Variants in AIG1 observed in about 807,000 individuals in gnomAD.
AIG1 encodes androgen induced 1.
AIG1 carries 23 observed loss-of-function variants against 31.4 expected under a neutral mutation model. That is an observed-to-expected ratio of 0.73 (90% CI 0.53 to 1.04). The LOEUF (loss-of-function observed/expected upper bound fraction) is 1.04, where lower values mean the gene tolerates loss of function less well. AIG1 is among the 50% of genes least tolerant of loss of function. AIG1 has a pLI of 0.00. For missense variants in AIG1, 274 were observed against 295.0 expected (o/e 0.93, Z 0.52); for synonymous variants, 100 against 110.5 (o/e 0.90, Z 0.60).
At chr6:143,199,403 T>TG (rs1790514366) in intron 3 of AIG1, among the ~76,000 whole-genome samples, 1 of 151,726 alleles carries the variant, frequency 6.6e-6, no homozygotes, top group Non-Finnish European at 1.5e-5. Context: ...TCGGGAAAAA[T>TG]GTTAGTTGTT....
chr6:143,202,345 C>T (rs1251785842), intron 3 of AIG1, among the ~76,000 whole-genome samples: 1 of 152,036 alleles, frequency 6.6e-6, no homozygotes, highest in Non-Finnish European at 1.5e-5. Flanking sequence ...TCAGGGACAG[C>T]TAATCACAAA....
At chr6:143,165,434 G>A (rs944895611) in intron 3 of AIG1, among the ~76,000 whole-genome samples, 3 of 152,206 alleles carry the variant, frequency 2.0e-5, no homozygotes, top group Non-Finnish European at 4.4e-5. Flanking sequence ...TGGTGTGTCA[G>A]TGGTGTTAAA....
At chr6:143,266,368 A>G (rs1055556940) in intron 3 of AIG1, among the ~76,000 whole-genome samples, 4 of 141,632 alleles carry the variant, frequency 2.8e-5, no homozygotes, top group Non-Finnish European at 6.2e-5. Flanking sequence ...AAAAAAAAGA[A>G]TAATAATATG....
chr6:143,129,595 TATTA>T (rs1783035104), intron 1 of AIG1, among the ~76,000 whole-genome samples: 1 of 152,238 alleles, frequency 6.6e-6, no homozygotes, highest in Non-Finnish European at 1.5e-5. Flanking sequence ...TTGCTTAGAC[TATTA>T]CATTTAGATT....
rs968381073 is a variant in AIG1, at chr6:143,328,669, T to G, written c.516-4613T>G. Reference sequence around the variant, plus strand: ...ATATGTGTAATTTAATTCATTCATATAAGCCATTTACTTTGTATCATTTGT... The same window carrying G: ...ATATGTGTAATTTAATTCATTCATAGAAGCCATTTACTTTGTATCATTTGT... On this transcript the variant is annotated intron_variant, in intron 4 of 5. Transcript: ENST00000357847. This position sits in a 1 kb window ranked among gnomAD's most constrained non-coding sequence, Gnocchi z 4.0. 2.6e-5 allele frequency among the ~76,000 whole-genome samples: 4 copies of G among 152,228 alleles called. No individual in the cohort carries two copies. Among genetic ancestry groups the G allele is most frequent in the Admixed American group, 2.6e-4 (4 of 15,278 alleles).
chr6:143,229,743 T>C (rs1248605007), intron 3 of AIG1, among the ~76,000 whole-genome samples: 1 of 135,672 alleles, frequency 7.4e-6, no homozygotes, highest in African/African-American at 2.8e-5. Flanking sequence ...CCTTTTGTAA[T>C]AATTTCATTT....
chr6:143,263,796 ACCATTC>A (rs1204465208), intron 3 of AIG1, among the ~76,000 whole-genome samples: 5 of 152,130 alleles, frequency 3.3e-5, no homozygotes, highest in Non-Finnish European at 5.9e-5. Flanking sequence ...TACTTGAAAA[ACCATTC>A]CCCAATGGTA....
intron 4 of AIG1, among the ~76,000 whole-genome samples, chr6:143,321,984 G>GA (rs1474964399): frequency 2.0e-5 from 3 of 152,086 alleles, no homozygotes; most frequent in Admixed American, 6.6e-5. Context: ...TTTGTTGAAT[G>GA]AAAAAAATAT....
intron 1 of AIG1, among the ~76,000 whole-genome samples, chr6:143,088,691 C>T (rs949666656): frequency 6.6e-5 from 10 of 152,140 alleles, no homozygotes; most frequent in African/African-American, 2.4e-4. Context: ...TTGGACAGTA[C>T]TCATTGATTA....
At chr6:143,205,700 G>GTTTTTAAAA (rs1291187282) in intron 3 of AIG1, among the ~76,000 whole-genome samples, 1 of 152,136 alleles carries the variant, frequency 6.6e-6, no homozygotes, top group African/African-American at 2.4e-5. Context: ...CAGTTGTTTT[G>GTTTTTAAAA]TTTTTAAAAT....
At chr6:143,229,784 CAAAAA>C (rs751464049) in intron 3 of AIG1, among the ~76,000 whole-genome samples, 87 of 80,706 alleles carry the variant, frequency 1.1e-3, no homozygotes, top group African/African-American at 3.2e-3. Context: ...ACTCTCAGAA[CAAAAA>C]AAAAAAAAAA....
intron 3 of AIG1, among the ~76,000 whole-genome samples, chr6:143,181,823 A>G (rs192739085): frequency 4.1e-4 from 63 of 152,226 alleles, no homozygotes; most frequent in Admixed American, 4.0e-3. Context: ...GAATGAGAAG[A>G]TGTGAGACGG....
At position 143,121,955 on chromosome 6, in the gene AIG1, T is replaced by A. The variant is rs12526376; in HGVS notation, c.142-14880T>A. ...TTCCTGATTTCTAACAAAGCACAGT[T>A]TAGTTTTGTTTATGGTATTCTGGTG... On this transcript the variant is annotated intron_variant, in intron 1 of 5. Coordinates refer to ENST00000357847, the MANE Select transcript of AIG1 (RefSeq NM_016108.4). Among the ~76,000 whole-genome samples the A allele has an allele frequency of 5.3e-3, 801 of 152,290 alleles. 6 individuals are homozygous for A. The highest frequency in any genetic ancestry group is 0.011 in the Admixed American group (163 of 15,302).
intron 4 of AIG1, among the ~76,000 whole-genome samples, chr6:143,332,532 C>G (rs772617542): frequency 6.6e-6 from 1 of 152,166 alleles, no homozygotes; most frequent in Non-Finnish European, 1.5e-5. Context: ...AATGTCACAT[C>G]TGAAGATCAG....
intron 1 of AIG1, among the ~76,000 whole-genome samples, chr6:143,086,375 C>G (rs1023473426): frequency 3.4e-5 from 5 of 149,042 alleles, no homozygotes; most frequent in Non-Finnish European, 5.9e-5. Flanking sequence ...CTTTCTGCCT[C>G]TCTTTCCCCA....
intron 1 of AIG1, among the ~76,000 whole-genome samples, chr6:143,136,113 T>C (rs960986955): frequency 6.6e-6 from 1 of 152,016 alleles, no homozygotes; most frequent in African/African-American, 2.4e-5. Context: ...GTAGTTTTTT[T>C]GGGGGGGCGG....
intron 3 of AIG1, among the ~76,000 whole-genome samples, chr6:143,243,543 C>G (rs540020728): frequency 5.3e-5 from 8 of 152,132 alleles, no homozygotes; most frequent in Non-Finnish European, 1.2e-4. Flanking sequence ...ACAAAATGCC[C>G]GGAATCTTTT....
intron 3 of AIG1, among the ~76,000 whole-genome samples, chr6:143,236,332 C>T (rs4896627): frequency 0.28 from 42,514 of 152,122 alleles, 6,495 homozygotes; most frequent in East Asian, 0.4. Flanking sequence ...ATTCGGACTC[C>T]GAGTCTGTGA....
intron 2 of AIG1, among the ~76,000 whole-genome samples, chr6:143,161,543 G>GTGTATATA: frequency 6.7e-6 from 1 of 150,332 alleles, no homozygotes; most frequent in African/African-American, 2.4e-5. Flanking sequence ...ATATATATGT[G>GTGTATATA]TGTATATATA....
Sources: allele counts gnomAD v4.1 joint callset (sites outside exome capture counted in the v4.1 genomes callset), GRCh38; gene constraint gnomAD v4.1.1; non-coding constraint Gnocchi (gnomAD v3.1); transcripts MANE v1.5; gene names NCBI Gene and HGNC (gene_info 2026-07-23, HGNC 2026-07-21).